Variants in SVOPL observed in about 807,000 individuals in gnomAD.
The protein encoded by SVOPL is putative transporter SVOPL.
SVOPL carries 60 observed loss-of-function variants against 61.0 expected under a neutral mutation model. The ratio of observed to expected loss-of-function variants is 0.98; its 90% CI spans 0.80 to 1.22. The LOEUF (loss-of-function observed/expected upper bound fraction) is 1.22. Among genes scored for constraint, SVOPL ranks in the 50% most tolerant of loss-of-function variants. SVOPL has a pLI of 0.00. For synonymous variants in SVOPL, 279 were observed against 250.0 expected (o/e 1.12, Z -1.09); for missense variants, 662 against 643.9 (o/e 1.03, Z -0.30).
At chr7:138,700,164 C>G (rs1156661598) in intron 1 of SVOPL, among the ~76,000 whole-genome samples, 2 of 152,028 alleles carry the variant, frequency 1.3e-5, no homozygotes, top group African/African-American at 4.8e-5. Context: ...AATGTATTTT[C>G]TTGGTAGTCT....
At chr7:138,637,346 TG>T (rs1229047794) in intron 9 of SVOPL, among the ~76,000 whole-genome samples, 2 of 151,262 alleles carry the variant, frequency 1.3e-5, no homozygotes, top group Non-Finnish European at 2.9e-5. Context: ...GAAAAACACT[TG>T]AACTCAGGAG....
chr7:138,630,460 TGAGA>T (rs1415914824), intron 9 of SVOPL, among the ~76,000 whole-genome samples: 1 of 152,192 alleles, frequency 6.6e-6, no homozygotes, highest in Non-Finnish European at 1.5e-5. Flanking sequence ...GTGAAACTGA[TGAGA>T]GATTCTTCTA....
intron 1 of SVOPL, among the ~76,000 whole-genome samples, chr7:138,686,872 A>G (rs576778047): frequency 2.0e-5 from 3 of 151,956 alleles, no homozygotes; most frequent in East Asian, 3.9e-4. Context: ...CCTAGTTTTT[A>G]ATCTAGCTGG....
At chr7:138,619,984 CAGAG>C (rs905419487) in intron 14 of SVOPL, among the ~76,000 whole-genome samples, 3 of 152,102 alleles carry the variant, frequency 2.0e-5, no homozygotes, top group Admixed American at 6.6e-5. Context: ...AGGCACCAGA[CAGAG>C]AAAGAGGACA....
chr7:138,621,603 A>T (rs1799564984), intron 13 of SVOPL, among the ~76,000 whole-genome samples: 1 of 152,210 alleles, frequency 6.6e-6, no homozygotes, highest in Middle Eastern at 3.2e-3. Context: ...CTTTTCTAAA[A>T]TTAGGGATGG....
At chr7:138,677,049 G>A (rs1275359421) in intron 3 of SVOPL, among the ~76,000 whole-genome samples, 3 of 151,904 alleles carry the variant, frequency 2.0e-5, no homozygotes, top group African/African-American at 7.2e-5. Flanking sequence ...GACTACAGGC[G>A]CCCGCCACCA....
intron 8 of SVOPL, among the ~76,000 whole-genome samples, chr7:138,647,709 G>C (rs1024391630): frequency 5.9e-5 from 9 of 151,854 alleles, no homozygotes; most frequent in Non-Finnish European, 1.3e-4. Context: ...TTAGTCGGGC[G>C]TGGTGGTGCA....
chr7:138,659,961 C>A lies in SVOPL; in HGVS notation c.373G>T (p.Ala125Ser). Residue 125 changes from alanine to serine, a missense_variant, in exon 6 of 16, where the codon GCC (alanine) becomes TCC (serine). Ala to Ser is a moderately conservative substitution (Grantham distance 99). Coordinates refer to ENST00000674285, the MANE Select transcript of SVOPL (RefSeq NM_001139456.2). ...AACGAGGTCAGCAAGGAGAAATAGG[C>A]TCCCCACAGGAACGAGATGAGCAGA... ...KILLISFLWG[A>S]YFSLLTSFAP... is the part of the protein sequence containing the mutation. 1 of 1,551,556 alleles carries A rather than the reference C, an allele frequency of 6.4e-7. No individual in the cohort carries two copies. Among genetic ancestry groups the A allele is most frequent in the South Asian group, 1.2e-5 (1 of 84,056 alleles).
rs1290562193 is a variant in SVOPL, at chr7:138,596,480, G to A, written c.1404C>T (p.Val468=). ...ILGALCLFSS[V]CVVCAISAFT... is the part of the protein sequence containing the mutation. ...ATGCAGAAATGGCGCATACAACACA[G>A]ACAGATGAGAAGAGACACAGGGCCC... The change falls in exon 15 of 16, where the codon GTC becomes GTT. Residue 468 remains valine, a synonymous_variant. Coordinates refer to ENST00000674285, the MANE Select transcript of SVOPL (RefSeq NM_001139456.2). 4 of 1,613,822 alleles carry A rather than the reference G, an allele frequency of 2.5e-6. No homozygotes were observed. The Admixed American group carries it at 5.0e-5, about 20-fold the overall frequency.
intron 14 of SVOPL, among the ~76,000 whole-genome samples, chr7:138,605,244 G>A: frequency 6.7e-6 from 1 of 150,372 alleles, no homozygotes. Flanking sequence ...AGAAGAAACG[G>A]AGAATGACCA....
chr7:138,681,015 T>C (rs1253846134), intron 1 of SVOPL, among the ~76,000 whole-genome samples: 1 of 151,970 alleles, frequency 6.6e-6, no homozygotes, highest in African/African-American at 2.4e-5. Flanking sequence ...TATTAGTACA[T>C]ATTTAGGATA....
At chr7:138,597,289 T>C (rs1798320595) in intron 14 of SVOPL, 1 of 1,204,792 alleles carries the variant, frequency 8.3e-7, no homozygotes, top group Non-Finnish European at 1.1e-6. Context: ...TAGAAAGACC[T>C]AGAAACTATC....
chr7:138,621,906 G>C (rs376664787), intron 13 of SVOPL, among the ~76,000 whole-genome samples: 460 of 27,698 alleles, frequency 0.017, 4 homozygotes, highest in African/African-American at 0.028. Context: ...ATCTATCTAT[G>C]TATCTATCTA....
chr7:138,663,657 TC>T (rs1399790590), intron 4 of SVOPL: 1 of 938,816 alleles, frequency 1.1e-6, no homozygotes, highest in East Asian at 1.2e-4. Flanking sequence ...CAATGGCCTG[TC>T]CTCCCCTGAT....
At chr7:138,608,942 A>G (rs1159284750) in intron 14 of SVOPL, among the ~76,000 whole-genome samples, 2 of 152,228 alleles carry the variant, frequency 1.3e-5, no homozygotes, top group Non-Finnish European at 1.5e-5. Context: ...AAAATCCTTT[A>G]TAGACAAACC....
At chr7:138,689,486 G>A in intron 1 of SVOPL, 1 of 744,500 alleles carries the variant, frequency 1.3e-6, no homozygotes, top group Non-Finnish European at 2.3e-6. Context: ...TGAAGAAAAA[G>A]ATATCCCAGA....
chr7:138,601,636 A>C (rs184884749), intron 14 of SVOPL, among the ~76,000 whole-genome samples: 1 of 152,218 alleles, frequency 6.6e-6, no homozygotes, highest in East Asian at 1.9e-4. Flanking sequence ...TAGGGGAGAA[A>C]AAAAGAAAGT....
chr7:138,656,819 G>T (rs533075051), intron 6 of SVOPL, among the ~76,000 whole-genome samples: 3 of 152,218 alleles, frequency 2.0e-5, no homozygotes, highest in African/African-American at 7.2e-5. Context: ...AAGGTGGGTG[G>T]ATCACCTGAG....
At chr7:138,644,692 G>A (rs776111807) in intron 9 of SVOPL, 25 bp downstream of exon 9, 1 of 1,611,976 alleles carries the variant, frequency 6.2e-7, no homozygotes, top group Admixed American at 1.7e-5. Flanking sequence ...GGTGATAGGA[G>A]AAGACCTCGG....
Sources: gnomAD v4.1 joint callset for allele counts (sites outside exome capture counted in the v4.1 genomes callset) on GRCh38, gnomAD v4.1.1 for gene constraint, MANE v1.5 for transcripts, NCBI Gene and HGNC (gene_info 2026-07-23, HGNC 2026-07-21) for gene names.